Variants in PCDHGA11 observed in about 807,000 individuals in gnomAD.
The protein encoded by PCDHGA11 is protocadherin gamma-A11.
Under a neutral mutation model 60.4 loss-of-function variants are expected in PCDHGA11, and 39 were observed. The ratio of observed to expected loss-of-function variants is 0.65; its 90% confidence interval spans 0.50 to 0.84. The LOEUF (loss-of-function observed/expected upper bound fraction) is 0.84. Ranked by LOEUF, PCDHGA11 falls within the 40% of genes least tolerant of loss-of-function variation. The pLI is 0.00. For missense variants in PCDHGA11, 1,165 were observed against 1,197.7 expected (o/e 0.97, Z 0.40); for synonymous variants, 533 against 510.3 (o/e 1.04, Z -0.60).
At chr5:141,492,382 T>C (rs71583650) in intron 1 of PCDHGA11, among the ~76,000 whole-genome samples, 2,103 of 152,322 alleles carry the variant, frequency 0.014, 36 homozygotes, top group African/African-American at 0.031. Flanking sequence ...ACAGGCCTGT[T>C]CCGGTCCACT....
intron 1 of PCDHGA11, chr5:141,423,965 T>C (rs911812056): frequency 8.1e-5 from 94 of 1,162,030 alleles, no homozygotes; most frequent in Admixed American, 1.3e-4. Context: ...TATTTTTCTA[T>C]TATCAGTGTA....
At chr5:141,472,172 T>A (rs548514406) in intron 1 of PCDHGA11, among the ~76,000 whole-genome samples, 11 of 152,326 alleles carry the variant, frequency 7.2e-5, no homozygotes, top group African/African-American at 2.6e-4. Context: ...AGGTGTAATA[T>A]CCAGTATTGG....
At chr5:141,474,106 A>G (rs1334111464) in intron 1 of PCDHGA11, among the ~76,000 whole-genome samples, 1 of 152,108 alleles carries the variant, frequency 6.6e-6, no homozygotes, top group African/African-American at 2.4e-5. Flanking sequence ...CAACAAAAAC[A>G]ACAACAACGA....
At chr5:141,478,483 G>A in intron 1 of PCDHGA11, 13 of 1,613,548 alleles carry the variant, frequency 8.1e-6, no homozygotes, top group Non-Finnish European at 1.1e-5. Flanking sequence ...AGAACACGCT[G>A]CGGAGCTGTG....
At position 141,477,222 on chromosome 5, in the gene PCDHGA11, C is replaced by T; in HGVS notation, c.2434-17585C>T. Reference sequence around the variant, plus strand: ...GTACCCGAGGATGCCCCTCTGGGGACTGTCATCGCTTTGCTCAGTGTGACT... The same window carrying T: ...GTACCCGAGGATGCCCCTCTGGGGATTGTCATCGCTTTGCTCAGTGTGACT... On this transcript the variant is annotated intron_variant, in intron 1 of 3. Transcript: ENST00000398587. This position sits in a 1 kb window ranked among gnomAD's most constrained non-coding sequence, Gnocchi z 4.9. 2 of 1,614,218 alleles carry T rather than the reference C, an allele frequency of 1.2e-6. No homozygotes were observed. Among genetic ancestry groups the T allele is most frequent in the South Asian group, 1.1e-5 (1 of 91,086 alleles).
At chr5:141,505,579 G>A (rs1047837546) in intron 3 of PCDHGA11, 98 bp downstream of exon 3, 6 of 1,588,858 alleles carry the variant, frequency 3.8e-6, no homozygotes, top group Non-Finnish European at 4.3e-6. Flanking sequence ...TCAAACCTGT[G>A]TAGTTTCTCC....
chr5:141,510,984 C>G lies in PCDHGA11; in HGVS notation c.2619C>G (p.Ala873=). ...ADGSSTLGGG[A]GTMGLSARYG... ...GGAGCTCCACCCTGGGAGGGGGTGC[C>G]GGCACCATGGGATTGAGCGCCCGCT... The change falls in exon 4 of 4, where the codon GCC becomes GCG. Residue 873 remains alanine (A), a synonymous_variant. Transcript: ENST00000398587. The G allele has an allele frequency of 1.2e-6, 2 of 1,614,162 alleles. No homozygotes were observed. The highest frequency in any genetic ancestry group is 1.7e-6 in the Non-Finnish European group (2 of 1,180,012).
At chr5:141,427,965 C>G in intron 1 of PCDHGA11, 1 of 1,590,342 alleles carries the variant, frequency 6.3e-7, no homozygotes, top group Non-Finnish European at 8.6e-7. Flanking sequence ...GCCGCGGGTG[C>G]TGTACCCCGC....
At chr5:141,444,834 A>G (rs892892307) in intron 1 of PCDHGA11, among the ~76,000 whole-genome samples, 1 of 152,132 alleles carries the variant, frequency 6.6e-6, no homozygotes, top group African/African-American at 2.4e-5. Context: ...TTGTAGCTTT[A>G]TAGTAAGTCT....
intron 1 of PCDHGA11, among the ~76,000 whole-genome samples, chr5:141,453,095 G>T (rs1254113352): frequency 6.6e-6 from 1 of 151,962 alleles, no homozygotes; most frequent in African/African-American, 2.4e-5. Flanking sequence ...TATATTTTCT[G>T]TTGCTTTTTT....
chr5:141,438,627 TATATATATACACACAC>T (rs1396288881), intron 1 of PCDHGA11, among the ~76,000 whole-genome samples: 69 of 48,002 alleles, frequency 1.4e-3, no homozygotes, highest in Admixed American at 2.8e-3. Flanking sequence ...TATATATATA[TATATATATACACACAC>T]ACACACACAT....
chr5:141,451,860 C>T, intron 1 of PCDHGA11, among the ~76,000 whole-genome samples: 1 of 151,832 alleles, frequency 6.6e-6, no homozygotes, highest in Non-Finnish European at 1.5e-5. Flanking sequence ...CAGCCTAGGC[C>T]ACAGAATGAA....
At chr5:141,499,908 G>T (rs903753761) in intron 2 of PCDHGA11, among the ~76,000 whole-genome samples, 1 of 151,980 alleles carries the variant, frequency 6.6e-6, no homozygotes, top group African/African-American at 2.4e-5. Flanking sequence ...GGCTGGTCTT[G>T]AACTCCTGGC....
Position 141,485,792 on chromosome 5 carries a change from G to T in PCDHGA11, c.2434-9015G>T, listed in dbSNP as rs114766079. 6.2e-6 allele frequency: 10 copies of T among 1,614,118 alleles called. No individual in the cohort carries two copies. In the Admixed American group the frequency reaches 1.3e-4, roughly 22 times the overall value. ...GCCTTTGGATCGAGAGAAGCAATCG[G>T]ACTACCGCCTGGTGCTGACTGCTGT... On this transcript the variant is annotated intron_variant, in intron 1 of 3. Transcript: ENST00000398587. This position sits in a 1 kb window ranked among gnomAD's most constrained non-coding sequence, Gnocchi z 5.7.
Position 141,477,782 on chromosome 5 carries a change from T to G in PCDHGA11, c.2434-17025T>G, listed in dbSNP as rs763675478. 1.2e-5 allele frequency: 20 copies of G among 1,613,902 alleles called. No individual in the cohort carries two copies. Among genetic ancestry groups the G allele is most frequent in the Non-Finnish European group, 1.7e-5 (20 of 1,180,042 alleles). ...AGCCACCAACATCAGCGTGAACATA[T>G]TTGTCACTGATCGCAATGACAATGC... On this transcript the variant is annotated intron_variant, in intron 1 of 3. Coordinates refer to ENST00000398587, the MANE Select transcript of PCDHGA11 (RefSeq NM_018914.3). The surrounding 1 kb of genome is among the most constrained non-coding windows in gnomAD (Gnocchi z 4.9).
Position 141,477,310 on chromosome 5 carries a change from C to T in PCDHGA11, c.2434-17497C>T. On this transcript the variant is annotated intron_variant, in intron 1 of 3. Coordinates refer to ENST00000398587, the MANE Select transcript of PCDHGA11 (RefSeq NM_018914.3). This position sits in a 1 kb window ranked among gnomAD's most constrained non-coding sequence, Gnocchi z 4.9. ...AAGTTCCACCGGGTCTCCCTTTCAGCCTTACTTCTTCCCTCAAGAATTACT... is the reference window on the plus strand; with the variant it reads ...AAGTTCCACCGGGTCTCCCTTTCAGTCTTACTTCTTCCCTCAAGAATTACT... The T allele has an allele frequency of 6.2e-7, 1 of 1,614,154 alleles. No homozygotes were observed. Among genetic ancestry groups the T allele is most frequent in the Non-Finnish European group, 8.5e-7 (1 of 1,180,018 alleles).
Position 141,432,211 on chromosome 5 carries a change from C to T in PCDHGA11, c.2433+8551C>T. 6.2e-7 allele frequency: 1 copy of T among 1,614,232 alleles called. No homozygotes were observed. The highest frequency in any genetic ancestry group is 8.5e-7 in the Non-Finnish European group (1 of 1,180,044). On this transcript the variant is annotated intron_variant, in intron 1 of 3. Coordinates refer to ENST00000398587, the MANE Select transcript of PCDHGA11 (RefSeq NM_018914.3). The surrounding 1 kb of genome is among the most constrained non-coding windows in gnomAD (Gnocchi z 6.0). ...CCCACGACCCCGACTGTGAAGAGAA[C>T]GCCCAGATCACTTATTCCCTGGCTG... is the stretch of plus-strand genomic sequence containing the variant.
chr5:141,454,880 T>C (rs1561957456), intron 1 of PCDHGA11, among the ~76,000 whole-genome samples: 1 of 137,862 alleles, frequency 7.3e-6, no homozygotes, highest in Non-Finnish European at 1.5e-5. Flanking sequence ...CGATCTTGGC[T>C]CACTGCTAGC....
In PCDHGA11 at chr5:141,423,029, A is replaced by C. The variant is rs1049470142; in HGVS notation, c.1802A>C (p.Gln601Pro). The C allele has an allele frequency of 6.2e-7, 1 of 1,614,218 alleles. No homozygotes were observed. Among genetic ancestry groups the C allele is most frequent in the Non-Finnish European group, 8.5e-7 (1 of 1,180,042 alleles). Residue 601 changes from glutamine (Q) to proline (P), a missense_variant, in exon 1 of 4, where the codon CAG (glutamine) becomes CCG (proline). Physicochemically the swap from Gln to Pro is moderately conservative, Grantham distance 76. Transcript: ENST00000398587. ...KVVAVDKDSGQNAWLSYRLLK... is the reference protein window; with the variant it reads ...KVVAVDKDSGPNAWLSYRLLK... ...GTTGCGGTGGACAAAGATTCAGGCC[A>C]GAACGCCTGGCTGTCCTATCGCCTG...
Sources: allele counts gnomAD v4.1 joint callset (sites outside exome capture counted in the v4.1 genomes callset), GRCh38; gene constraint gnomAD v4.1.1; non-coding constraint Gnocchi (gnomAD v3.1); transcripts MANE v1.5; gene names NCBI Gene and HGNC (gene_info 2026-07-23, HGNC 2026-07-21).